Variants in GTF2A2 observed in about 807,000 individuals in gnomAD.
The protein encoded by GTF2A2 is general transcription factor IIA subunit 2.
A neutral mutation model predicts 14.3 loss-of-function variants in GTF2A2; 9 were observed. The observed-to-expected ratio is 0.63, with a 90% confidence interval of 0.38 to 1.10. The LOEUF (loss-of-function observed/expected upper bound fraction) is 1.10, where lower values mean the gene tolerates loss of function less well. Among genes scored for constraint, GTF2A2 ranks in the 50% least tolerant of loss-of-function variants. The pLI, the probability that GTF2A2 is intolerant of heterozygous loss-of-function variation, is 0.01. For synonymous variants in GTF2A2, 56 were observed against 46.0 expected, an observed-to-expected ratio of 1.22 and a Z score of -0.88; for missense variants, 90 against 124.6, an observed-to-expected ratio of 0.72 and a Z score of 1.32.
At chr15:59,645,680 T>A (rs1891580181) in intron 3 of GTF2A2, among the ~76,000 whole-genome samples, 2 of 152,180 alleles carry the variant, frequency 1.3e-5, no homozygotes, top group South Asian at 4.1e-4. Context: ...AACAGCTAGA[T>A]GCCAAACTCA....
intron 4 of GTF2A2, among the ~76,000 whole-genome samples, chr15:59,639,558 G>T (rs991357566): frequency 4.0e-5 from 6 of 149,664 alleles, no homozygotes; most frequent in Non-Finnish European, 7.4e-5. Flanking sequence ...CCCCCCGGGG[G>T]TTCACGCCAT....
At chr15:59,655,206 C>T (rs1212550692) in intron 1 of GTF2A2, among the ~76,000 whole-genome samples, 2 of 152,212 alleles carry the variant, frequency 1.3e-5, no homozygotes, top group Non-Finnish European at 2.9e-5. Flanking sequence ...CTTCTCCCAC[C>T]TTAAAAAGTA....
At chr15:59,646,581 T>G (rs748885057) in intron 3 of GTF2A2, among the ~76,000 whole-genome samples, 4 of 152,224 alleles carry the variant, frequency 2.6e-5, no homozygotes, top group Non-Finnish European at 5.9e-5. Flanking sequence ...TAAAGCATTT[T>G]AGATGTAGAT....
intron 3 of GTF2A2, among the ~76,000 whole-genome samples, chr15:59,643,440 C>G (rs190837924): frequency 1.2e-3 from 178 of 151,868 alleles, no homozygotes; most frequent in African/African-American, 4.1e-3. Flanking sequence ...GCTAGTCAAA[C>G]TTTTGGCCTC....
chr15:59,655,985 A>G (rs1319922946), intron 1 of GTF2A2, among the ~76,000 whole-genome samples: 2 of 151,860 alleles, frequency 1.3e-5, no homozygotes, highest in Non-Finnish European at 2.9e-5. Flanking sequence ...AAATCTCCTA[A>G]ATGATTTCCC....
intron 4 of GTF2A2, among the ~76,000 whole-genome samples, chr15:59,641,654 G>C (rs2141956549): frequency 6.6e-6 from 1 of 152,290 alleles, no homozygotes; most frequent in East Asian, 1.9e-4. Context: ...CCTAGGTCTG[G>C]TGTGAAAAGT....
intron 3 of GTF2A2, among the ~76,000 whole-genome samples, chr15:59,643,793 T>C (rs991540792): frequency 1.3e-5 from 2 of 151,950 alleles, no homozygotes; most frequent in Non-Finnish European, 2.9e-5. Flanking sequence ...GAGATGGGTT[T>C]CACCATGTTG....
At chr15:59,647,716 C>T (rs1891651417) in intron 3 of GTF2A2, among the ~76,000 whole-genome samples, 1 of 152,048 alleles carries the variant, frequency 6.6e-6, no homozygotes, top group Non-Finnish European at 1.5e-5. Flanking sequence ...GTAGCTGGGA[C>T]TACAGGCATG....
At chr15:59,651,080 A>C (rs1175023359) in intron 2 of GTF2A2, 2 of 209,872 alleles carry the variant, frequency 9.5e-6, no homozygotes, top group Non-Finnish European at 9.5e-6. Flanking sequence ...TGTTTCTTTT[A>C]AATACACAGG....
chr15:59,649,644 T>C (rs1891730708), intron 3 of GTF2A2, among the ~76,000 whole-genome samples: 1 of 152,260 alleles, frequency 6.6e-6, no homozygotes, highest in Non-Finnish European at 1.5e-5. Context: ...TTACTCCAGA[T>C]AATTTTTTGG....
intron 4 of GTF2A2, chr15:59,640,384 T>C (rs1023828475): frequency 3.3e-5 from 5 of 152,254 alleles, no homozygotes; most frequent in African/African-American, 1.2e-4. Flanking sequence ...CTTTATTTAC[T>C]GATTTTCTGG....
In GTF2A2 at chr15:59,650,618, T is replaced by C. The variant is rs1163550699; in HGVS notation, c.177+51A>G. On this transcript the variant is annotated intron_variant, in intron 3 of 4. Coordinates refer to ENST00000396060, the MANE Select transcript of GTF2A2 (RefSeq NM_004492.3). ...TGTAGGGGTCCTAAAAAAAAATCAG[T>C]GTTTTAACAACCATTGGTACAGGCT... 3.0e-6 allele frequency: 3 copies of C among 1,003,374 alleles called. No individual in the cohort carries two copies. The East Asian group carries it at 7.2e-5, about 24-fold the overall frequency. The allele number at this position is 1,003,374 out of a possible 1,614,324, so 62.2% of individuals were successfully genotyped here. A position where few individuals can be genotyped will look rare whatever the true frequency, so the allele number is the denominator to read the frequency against.
At chr15:59,653,134 A>T (rs1891843571) in intron 1 of GTF2A2, among the ~76,000 whole-genome samples, 1 of 152,184 alleles carries the variant, frequency 6.6e-6, no homozygotes, top group Admixed American at 6.6e-5. Flanking sequence ...GGATAGGTGC[A>T]AGCAGTGGGG....
At chr15:59,641,771 T>C (rs961083106) in intron 4 of GTF2A2, among the ~76,000 whole-genome samples, 1 of 152,192 alleles carries the variant, frequency 6.6e-6, no homozygotes, top group Non-Finnish European at 1.5e-5. Flanking sequence ...TTTAAATATA[T>C]GGGTCTCCAG....
At chr15:59,639,186 A>G in intron 4 of GTF2A2, 29 bp from the exon 5 acceptor site, 2 of 1,298,044 alleles carry the variant, frequency 1.5e-6, no homozygotes, top group Non-Finnish European at 1.1e-6. Context: ...AGTAAAGTAA[A>G]GTAAATTCAA....
chr15:59,656,979 T>C (rs8041394), intron 1 of GTF2A2: 48,060 of 152,144 alleles, frequency 0.32, 8,432 homozygotes, highest in East Asian at 0.58. Flanking sequence ...TAAAATTCGT[T>C]CCTTTTGTCG....
chr15:59,639,264 G>A (rs1255098761), intron 4 of GTF2A2, 107 bp from the exon 5 acceptor site: 1 of 740,268 alleles, frequency 1.4e-6, no homozygotes, highest in African/African-American at 1.8e-5. Flanking sequence ...ACTAATAGTG[G>A]TGGTGGCTTG....
chr15:59,656,637 G>A (rs1891951674), intron 1 of GTF2A2, among the ~76,000 whole-genome samples: 1 of 152,180 alleles, frequency 6.6e-6, no homozygotes, highest in Admixed American at 6.5e-5. Context: ...AGTATAATAT[G>A]CGTGTGGGAG....
intron 4 of GTF2A2, 43 bp from the exon 5 acceptor site, chr15:59,639,200 G>C: frequency 8.4e-7 from 1 of 1,195,606 alleles, no homozygotes; most frequent in East Asian, 2.4e-5. Context: ...AATTCAAGGA[G>C]CAATTTAATT....
Sources: allele counts gnomAD v4.1 joint callset (sites outside exome capture counted in the v4.1 genomes callset), GRCh38; gene constraint gnomAD v4.1.1; transcripts MANE v1.5; gene names NCBI Gene and HGNC (gene_info 2026-07-23, HGNC 2026-07-21).